PKD1L3: variants seen among roughly 807,000 people sequenced by gnomAD.
PKD1L3 encodes polycystin-1-like protein 3.
A neutral mutation model predicts 184.1 loss-of-function variants in PKD1L3; 239 were observed. The observed-to-expected ratio is 1.30, with a 90% CI of 1.17 to 1.45. PKD1L3 has a LOEUF of 1.45. Among genes scored for constraint, PKD1L3 ranks in the 40% most tolerant of loss-of-function variants. PKD1L3 has a pLI of 0.00. For missense variants in PKD1L3, 2,660 were observed against 2,067.2 expected (o/e 1.29, Z -5.56); for synonymous variants, 996 against 778.8 (o/e 1.28, Z -4.64).
intron 11 of PKD1L3, among the ~76,000 whole-genome samples, chr16:71,975,182 A>C (rs868410803): frequency 2.0e-5 from 3 of 151,314 alleles, no homozygotes; most frequent in African/African-American, 2.4e-5. Context: ...CAGCCTCCCA[A>C]GTAGTTAGGA....
chr16:71,952,592 T>TGGGAGGCCAAGGTGGGAGGATGGC (rs144995035), intron 18 of PKD1L3, among the ~76,000 whole-genome samples: 105,907 of 147,074 alleles, frequency 0.72, 38,680 homozygotes, highest in East Asian at 0.97. Flanking sequence ...CCCAGCACTT[T>TGGGAGGCCAAGGTGGGAGGATGGC]GGGAGGCCAA....
At chr16:71,980,433 A>G (rs192660110) in intron 7 of PKD1L3, among the ~76,000 whole-genome samples, 14 of 152,322 alleles carry the variant, frequency 9.2e-5, no homozygotes, top group Non-Finnish European at 1.6e-4. Context: ...GGTAACTTTC[A>G]CATATACAGT....
intron 24 of PKD1L3, among the ~76,000 whole-genome samples, chr16:71,941,776 G>C (rs2038370671): frequency 6.6e-6 from 1 of 150,836 alleles, no homozygotes; most frequent in South Asian, 2.1e-4. Context: ...GTAGAGACGG[G>C]GTGTCACCAT....
At chr16:71,947,612 A>G in intron 21 of PKD1L3, 21 bp from the exon 22 acceptor site, 2 of 1,455,686 alleles carry the variant, frequency 1.4e-6, no homozygotes, top group African/African-American at 2.8e-5. Context: ...GAATCACAGA[A>G]CATCGTGAGC....
At chr16:71,981,496 C>G (rs1280979207) in intron 7 of PKD1L3, among the ~76,000 whole-genome samples, 1 of 148,122 alleles carries the variant, frequency 6.8e-6, no homozygotes, top group Non-Finnish European at 1.5e-5. Context: ...CAAACATAAC[C>G]TGTTGAGTGT....
chr16:71,979,945 T>G (rs1446488546), intron 8 of PKD1L3, 33 bp from the exon 9 acceptor site: 1 of 1,549,896 alleles, frequency 6.5e-7, no homozygotes, highest in Non-Finnish European at 8.7e-7. Context: ...AAGTCAATTT[T>G]TGTGTGTCCT....
intron 23 of PKD1L3, 140 bp from the exon 24 acceptor site, chr16:71,943,164 A>C (rs2038421711): frequency 3.2e-6 from 2 of 620,534 alleles, no homozygotes; most frequent in Non-Finnish European, 2.8e-6. Context: ...GGTTCAATCT[A>C]ATAATTATAA....
Position 71,986,392 on chromosome 16 carries a change from T to C in PKD1L3, c.663A>G (p.Ala221=), listed in dbSNP as rs1254177763. ...GGAGAGGCTGGCTGCTGGGTTCAGA[T>C]GCGGCTGATGTTACCTGTGATGTGA... is the stretch of plus-strand genomic sequence containing the variant. ...SSITSQVTSA[A]SEPSSQPLPV... The change falls in exon 5 of 30, where the codon GCA becomes GCG. Residue 221 remains alanine (A), a synonymous_variant. Transcript: ENST00000620267. The C allele has an allele frequency of 1.3e-6, 2 of 1,551,788 alleles. No individual in the cohort carries two copies. Among genetic ancestry groups the C allele is most frequent in the East Asian group, 2.4e-5 (1 of 40,924 alleles).
chr16:71,982,276 T>TG, intron 6 of PKD1L3, 41 bp from the exon 7 acceptor site: 22 of 1,175,242 alleles, frequency 1.9e-5, no homozygotes, highest in Middle Eastern at 2.2e-4. Flanking sequence ...TTGAATTGTT[T>TG]GCTTTTTTTT....
intron 12 of PKD1L3, among the ~76,000 whole-genome samples, chr16:71,971,852 G>A (rs552354476): frequency 6.6e-6 from 1 of 152,052 alleles, no homozygotes; most frequent in Non-Finnish European, 1.5e-5. Flanking sequence ...AGGCCAAGGC[G>A]GGCAGATCAC....
At chr16:71,962,548 G>A (rs1423389661) in intron 16 of PKD1L3, among the ~76,000 whole-genome samples, 1 of 152,052 alleles carries the variant, frequency 6.6e-6, no homozygotes, top group Non-Finnish European at 1.5e-5. Flanking sequence ...GAGTGCAGTG[G>A]CAATCTTGGC....
At chr16:71,994,400 A>T (rs1380851049) in intron 2 of PKD1L3, among the ~76,000 whole-genome samples, 1 of 152,156 alleles carries the variant, frequency 6.6e-6, no homozygotes, top group East Asian at 1.9e-4. Flanking sequence ...TCTGACCATC[A>T]AATCTAGCTG....
At chr16:71,998,949 C>T (rs2040878497) in intron 1 of PKD1L3, among the ~76,000 whole-genome samples, 1 of 152,138 alleles carries the variant, frequency 6.6e-6, no homozygotes, top group African/African-American at 2.4e-5. Flanking sequence ...GTCTCTAAAA[C>T]TTCAAGATTA....
In PKD1L3 at chr16:71,967,897, T is replaced by C. The variant is rs764038446; in HGVS notation, c.2286+9A>G. 49 of 1,543,472 alleles carry C rather than the reference T, an allele frequency of 3.2e-5. No individual in the cohort carries two copies. The highest frequency in any genetic ancestry group is 4.0e-5 in the Non-Finnish European group (46 of 1,140,684). Reference sequence around the variant, plus strand: ...ACAAGGCAATGTGAAAAACATTTATTTCATTAACCTTAGCTGTTGTAGCAG... The same window carrying C: ...ACAAGGCAATGTGAAAAACATTTATCTCATTAACCTTAGCTGTTGTAGCAG... On this transcript the variant is annotated intron_variant, in intron 14 of 29. Transcript: ENST00000620267.
intron 4 of PKD1L3, among the ~76,000 whole-genome samples, chr16:71,989,936 G>T (rs1279053676): frequency 6.6e-6 from 1 of 152,048 alleles, no homozygotes; most frequent in African/African-American, 2.4e-5. Context: ...TTAGCTGGGT[G>T]TGGTGGCGCA....
rs2038905103 is a variant in PKD1L3, at chr16:71,953,003, A to G, written c.2900T>C (p.Leu967Pro). Residue 967 changes from leucine (L) to proline (P), a missense_variant, in exon 18 of 30, where the codon CTC becomes CCC. Transcript: ENST00000620267. Reference sequence around the variant, plus strand: ...CTCCTGTGGCTCAATCAACGGGAAGAGCCGCCCTATGACAAGATTGATTGG... The same window carrying G: ...CTCCTGTGGCTCAATCAACGGGAAGGGCCGCCCTATGACAAGATTGATTGG... Reference protein sequence around the residue: ...LFPINLVIGRLFPLIEPQETL... With the variant: ...LFPINLVIGRPFPLIEPQETL... 1.9e-5 allele frequency: 30 copies of G among 1,549,458 alleles called. No homozygotes were observed. Among genetic ancestry groups the G allele is most frequent in the Non-Finnish European group, 2.4e-5 (28 of 1,146,138 alleles).
At chr16:71,989,741 T>C (rs955625019) in intron 4 of PKD1L3, among the ~76,000 whole-genome samples, 4 of 152,214 alleles carry the variant, frequency 2.6e-5, no homozygotes, top group Admixed American at 6.5e-5. Context: ...CAACAAACAC[T>C]TGATAATTAC....
intron 28 of PKD1L3, chr16:71,930,792 G>A (rs1567482610): frequency 1.3e-5 from 2 of 152,058 alleles, no homozygotes; most frequent in Non-Finnish European, 2.9e-5. Context: ...AAATTTAGAT[G>A]TTCTTTTTCA....
In PKD1L3 at chr16:71,988,290, G is replaced by C. The variant is rs369235213; in HGVS notation, c.586-1821C>G. On this transcript the variant is annotated intron_variant, in intron 4 of 29. Transcript: ENST00000620267. ...GCTCACCGCAACCTCCACCTCCCAG[G>C]TTCAAGGAATTCTTCTGCCTCACCC... Among the ~76,000 whole-genome samples, 28 of 152,262 alleles carry C rather than the reference G, an allele frequency of 1.8e-4. 1 individual carries two copies. Among genetic ancestry groups the C allele is most frequent in the Admixed American group, 9.8e-4 (15 of 15,290 alleles).
Sources: allele counts gnomAD v4.1 joint callset (sites outside exome capture counted in the v4.1 genomes callset), GRCh38; gene constraint gnomAD v4.1.1; transcripts MANE v1.5; gene names NCBI Gene and HGNC (gene_info 2026-07-23, HGNC 2026-07-21).